CSMD3: variants seen among roughly 807,000 people sequenced by gnomAD.
The protein encoded by CSMD3 is CUB and sushi domain-containing protein 3.
Under a neutral mutation model 435.2 loss-of-function variants are expected in CSMD3, and 177 were observed. The observed-to-expected ratio is 0.41, with a 90% CI of 0.36 to 0.46. The LOEUF (loss-of-function observed/expected upper bound fraction) is 0.46. Among genes scored for constraint, CSMD3 ranks in the 20% least tolerant of loss-of-function variants. The probability of loss-of-function intolerance (pLI) is 0.34; values close to 1 mark genes in which losing one functional copy is unlikely to be tolerated. For missense variants in CSMD3, 4,265 were observed against 4,504.6 expected (o/e 0.95, Z 1.52); for synonymous variants, 1,656 against 1,520.5 (o/e 1.09, Z -2.07).
At chr8:112,341,389 G>T (rs1317998558) in intron 42 of CSMD3, 88 bp downstream of exon 42, 36 of 860,188 alleles carry the variant, frequency 4.2e-5, no homozygotes, top group East Asian at 2.7e-4. Flanking sequence ...TTCTAAAACA[G>T]AATACAGAAA....
At chr8:112,550,634 C>T (rs370830450) in intron 27 of CSMD3, 37 bp downstream of exon 27, 38 of 1,111,518 alleles carry the variant, frequency 3.4e-5, no homozygotes, top group South Asian at 1.1e-4. Context: ...CATCACCTTC[C>T]TATTTTGCAT....
At chr8:112,567,250 A>G (rs142992211) in intron 24 of CSMD3, among the ~76,000 whole-genome samples, 115 of 152,240 alleles carry the variant, frequency 7.6e-4, no homozygotes, top group African/African-American at 2.7e-3. Flanking sequence ...ATTCTTTCTT[A>G]TCACTCAGGT....
chr8:113,429,044 T>A (rs144064585), intron 1 of CSMD3, among the ~76,000 whole-genome samples: 259 of 151,962 alleles, frequency 1.7e-3, no homozygotes, highest in South Asian at 0.011. Flanking sequence ...ACTATTTATA[T>A]ATTTCAATCA....
chr8:112,346,690 TTTTTTTTG>T (rs1315615635), intron 40 of CSMD3, among the ~76,000 whole-genome samples: 3 of 86,148 alleles, frequency 3.5e-5, no homozygotes, highest in African/African-American at 4.3e-5. Flanking sequence ...TTTTTTTTTT[TTTTTTTTG>T]GAGAAGGAGT....
At chr8:113,435,453 G>T (rs929176034) in intron 1 of CSMD3, among the ~76,000 whole-genome samples, 1 of 152,090 alleles carries the variant, frequency 6.6e-6, no homozygotes, top group African/African-American at 2.4e-5. Flanking sequence ...GCTGCCTTCC[G>T]TGGGGGGACA....
rs115421172 is a variant in CSMD3, at chr8:113,062,969, A to G, written c.917+35787T>C. Among the ~76,000 whole-genome samples, 961 of 151,794 alleles carry G rather than the reference A, an allele frequency of 6.3e-3. 8 individuals are homozygous for G. Among genetic ancestry groups the G allele is most frequent in the African/African-American group, 0.022 (915 of 41,506 alleles). ...AGTTATGCTTTATTATATAATATTG[A>G]TTACTGATTATAGTTTTGTTAAAGG... On this transcript the variant is annotated intron_variant, in intron 5 of 70. Coordinates refer to ENST00000297405, the MANE Select transcript of CSMD3 (RefSeq NM_198123.2).
At chr8:112,811,181 A>T (rs992913958) in intron 12 of CSMD3, among the ~76,000 whole-genome samples, 6 of 152,010 alleles carry the variant, frequency 3.9e-5, no homozygotes, top group Non-Finnish European at 8.8e-5. Flanking sequence ...GAGTAGAAAC[A>T]GCAATACACA....
intron 1 of CSMD3, among the ~76,000 whole-genome samples, chr8:113,429,682 T>G (rs569071372): frequency 2.0e-4 from 31 of 152,244 alleles, no homozygotes; most frequent in African/African-American, 6.5e-4. Flanking sequence ...AAATATTAAT[T>G]TTTCTGATTG....
intron 1 of CSMD3, among the ~76,000 whole-genome samples, chr8:113,325,470 C>A (rs1035074500): frequency 3.9e-5 from 6 of 152,124 alleles, no homozygotes; most frequent in Admixed American, 3.9e-4. Flanking sequence ...ACTTTCTCCT[C>A]CTTGCCTTCC....
At chr8:112,738,573 G>A (rs764851097) in intron 13 of CSMD3, among the ~76,000 whole-genome samples, 1 of 151,476 alleles carries the variant, frequency 6.6e-6, no homozygotes, top group Non-Finnish European at 1.5e-5. Flanking sequence ...GAGACCCTTG[G>A]GAAAAGGGGA....
At chr8:112,808,627 T>C (rs184315724) in intron 12 of CSMD3, among the ~76,000 whole-genome samples, 2 of 152,294 alleles carry the variant, frequency 1.3e-5, no homozygotes, top group African/African-American at 4.8e-5. Flanking sequence ...CCCGCGTCTA[T>C]CACCTTGCGA....
intron 4 of CSMD3, among the ~76,000 whole-genome samples, chr8:113,100,574 C>T (rs17605272): frequency 0.095 from 14,469 of 152,062 alleles, 886 homozygotes; most frequent in Middle Eastern, 0.17. Flanking sequence ...GAAGGAGACA[C>T]ATAACATTCT....
chr8:112,749,458 G>C (rs2077516960), intron 13 of CSMD3, among the ~76,000 whole-genome samples: 1 of 151,962 alleles, frequency 6.6e-6, no homozygotes, highest in Admixed American at 6.5e-5. Flanking sequence ...TTTAATAAAT[G>C]GTGCTAGGAT....
intron 32 of CSMD3, among the ~76,000 whole-genome samples, chr8:112,418,836 A>G (rs1812180693): frequency 6.6e-6 from 1 of 152,186 alleles, no homozygotes; most frequent in East Asian, 1.9e-4. Flanking sequence ...TTGGTGCTGA[A>G]ATGACTTCAC....
At chr8:113,076,195 T>G (rs2089328795) in intron 5 of CSMD3, among the ~76,000 whole-genome samples, 1 of 150,998 alleles carries the variant, frequency 6.6e-6, no homozygotes, top group South Asian at 2.1e-4. Context: ...CTCTAATGGA[T>G]ACTAGATAGA....
At chr8:113,184,194 AC>A (rs1193051491) in intron 3 of CSMD3, among the ~76,000 whole-genome samples, 3 of 152,044 alleles carry the variant, frequency 2.0e-5, no homozygotes, top group African/African-American at 7.2e-5. Flanking sequence ...GGAAAGGGTT[AC>A]AGAGCTTTCA....
chr8:113,080,678 T>C (rs1245414660), intron 5 of CSMD3, among the ~76,000 whole-genome samples: 1 of 152,168 alleles, frequency 6.6e-6, no homozygotes. Flanking sequence ...CAGTGAAAAA[T>C]TACGTTTGTT....
Position 113,161,034 on chromosome 8 carries a change from G to A in CSMD3, c.709+12688C>T, listed in dbSNP as rs146026387. ...TTACAATGTTTGAGGACCAACTGCAGCATGTTTCTAAATTCATACTAGTTA... is the reference window on the plus strand; with the variant it reads ...TTACAATGTTTGAGGACCAACTGCAACATGTTTCTAAATTCATACTAGTTA... On this transcript the variant is annotated intron_variant, in intron 4 of 70. Transcript: ENST00000297405. Among the ~76,000 whole-genome samples, 3 of 152,158 alleles carry A rather than the reference G, an allele frequency of 2.0e-5. No homozygotes were observed. The East Asian group carries it at 5.8e-4, about 29-fold the overall frequency.
intron 17 of CSMD3, among the ~76,000 whole-genome samples, chr8:112,662,884 A>T (rs996775124): frequency 1.3e-5 from 2 of 152,222 alleles, no homozygotes; most frequent in Non-Finnish European, 2.9e-5. Flanking sequence ...GACACTTCTC[A>T]AAAGAAGACA....
Sources: allele counts gnomAD v4.1 joint callset (sites outside exome capture counted in the v4.1 genomes callset), GRCh38; gene constraint gnomAD v4.1.1; transcripts MANE v1.5; gene names NCBI Gene and HGNC (gene_info 2026-07-23, HGNC 2026-07-21).